Variants in PI4K2A observed in about 807,000 individuals in gnomAD.
PI4K2A encodes the protein phosphatidylinositol 4-kinase type 2-alpha.
In PI4K2A, 20 loss-of-function variants were observed where a neutral mutation model predicts 55.0. The observed-to-expected ratio is 0.36, with a 90% CI of 0.26 to 0.53. The LOEUF is 0.53. Among genes scored for constraint, PI4K2A ranks in the 20% least tolerant of loss-of-function variants. The probability of loss-of-function intolerance (pLI) is 0.91; values close to 1 mark genes in which losing one functional copy is unlikely to be tolerated. For missense variants in PI4K2A, 463 were observed against 637.1 expected (o/e 0.73, Z 2.94); for synonymous variants, 235 against 258.5 (o/e 0.91, Z 0.87).
chr10:97,643,911 G>GT (rs1472265953), intron 1 of PI4K2A, among the ~76,000 whole-genome samples: 1 of 152,110 alleles, frequency 6.6e-6, no homozygotes, highest in Admixed American at 6.5e-5. Context: ...ATCCCCGCAG[G>GT]TGACAACACA....
At chr10:97,649,217 T>C (rs569764783) in intron 1 of PI4K2A, among the ~76,000 whole-genome samples, 1 of 152,326 alleles carries the variant, frequency 6.6e-6, no homozygotes, top group South Asian at 2.1e-4. Context: ...TCATATGATA[T>C]GAGGATGAAT....
intron 1 of PI4K2A, among the ~76,000 whole-genome samples, chr10:97,647,833 A>T (rs1055347527): frequency 6.6e-6 from 1 of 151,544 alleles, no homozygotes; most frequent in African/African-American, 2.4e-5. Flanking sequence ...TATTCTCCTT[A>T]TGGTAGAAGG....
At chr10:97,675,442 C>G (rs905929452) in exon 9 of PI4K2A, 7 of 152,634 alleles carry the variant, frequency 4.6e-5, no homozygotes, top group Non-Finnish European at 1.0e-4. Flanking sequence ...AATCCCAGCC[C>G]CGACAATCAC....
chr10:97,661,014 C>T (rs963812772), intron 4 of PI4K2A, among the ~76,000 whole-genome samples: 11 of 151,256 alleles, frequency 7.3e-5, no homozygotes, highest in South Asian at 4.2e-4. Flanking sequence ...TTTTTGGAGA[C>T]GGAGTCTCAC....
At chr10:97,666,971 TC>T in intron 7 of PI4K2A, 89 bp from the exon 8 acceptor site, 2 of 972,806 alleles carry the variant, frequency 2.1e-6, no homozygotes, top group South Asian at 2.8e-5. Context: ...ATGCAGGTTT[TC>T]CTTCTTAGAA....
intron 8 of PI4K2A, among the ~76,000 whole-genome samples, chr10:97,667,883 T>C (rs920253585): frequency 2.0e-5 from 3 of 152,220 alleles, no homozygotes; most frequent in African/African-American, 7.2e-5. Flanking sequence ...GAGATAATGC[T>C]TATCAAGCGT....
intron 1 of PI4K2A, among the ~76,000 whole-genome samples, chr10:97,645,146 T>C (rs1451160900): frequency 3.9e-5 from 6 of 152,134 alleles, no homozygotes. Flanking sequence ...CCAAGAATCA[T>C]AGGACAGCAT....
intron 4 of PI4K2A, 128 bp from the exon 5 acceptor site, chr10:97,662,779 T>A (rs2041591913): frequency 1.4e-6 from 1 of 690,782 alleles, no homozygotes; most frequent in Non-Finnish European, 2.7e-6. Flanking sequence ...TCTAAAAATA[T>A]TTTATCCAGC....
intron 4 of PI4K2A, among the ~76,000 whole-genome samples, chr10:97,658,988 C>T (rs749814993): frequency 1.3e-5 from 2 of 152,078 alleles, no homozygotes; most frequent in African/African-American, 2.4e-5. Context: ...CTATTAATCC[C>T]GTATCAGATA....
At position 97,669,257 on chromosome 10, in the gene PI4K2A, A is replaced by G. The variant is rs939186579; in HGVS notation, c.1278+2137A>G. ...ATTTCCCAAGTAATGTAAGGGCCCA[A>G]TTAGGCTGGCAGAATTTTTGGAAGC... On this transcript the variant is annotated intron_variant, in intron 8 of 8. Transcript: ENST00000370631. Among the ~76,000 whole-genome samples, 86 of 152,224 alleles carry G rather than the reference A, an allele frequency of 5.6e-4. 5 individuals are homozygous for G. The highest frequency in any genetic ancestry group is 1.5e-5 in the Non-Finnish European group (1 of 68,040).
exon 1 of PI4K2A, chr10:97,641,003 G>C (rs1430781111): frequency 1.3e-6 from 2 of 1,553,528 alleles, no homozygotes; most frequent in Admixed American, 3.8e-5. Context: ...TGGCCGCTCA[G>C]GCCGCGGCGG....
At chr10:97,669,898 C>G (rs781150872) in intron 8 of PI4K2A, among the ~76,000 whole-genome samples, 15 of 152,144 alleles carry the variant, frequency 9.9e-5, no homozygotes, top group African/African-American at 3.4e-4. Flanking sequence ...GCCTCTGTAA[C>G]ATTTTCTTTT....
intron 4 of PI4K2A, among the ~76,000 whole-genome samples, chr10:97,661,216 C>T (rs866025628): frequency 6.6e-6 from 1 of 152,100 alleles, no homozygotes; most frequent in African/African-American, 2.4e-5. Flanking sequence ...TGGTCTCGAT[C>T]TCCTGACCTC....
intron 1 of PI4K2A, among the ~76,000 whole-genome samples, chr10:97,650,631 G>A (rs544886249): frequency 6.6e-6 from 1 of 152,234 alleles, no homozygotes; most frequent in African/African-American, 2.4e-5. Context: ...TACCTTGTTT[G>A]TTTGAAGCAC....
chr10:97,674,442 C>G (rs542412638), exon 9 of PI4K2A: 2 of 152,356 alleles, frequency 1.3e-5, no homozygotes, highest in East Asian at 3.9e-4. Flanking sequence ...CCTCTCTGCT[C>G]TCTGCTGGCC....
chr10:97,667,181 T>G (rs1254537264), intron 8 of PI4K2A, 61 bp downstream of exon 8: 21 of 1,260,880 alleles, frequency 1.7e-5, no homozygotes, highest in Non-Finnish European at 2.4e-5. Flanking sequence ...GTGCTCAGGT[T>G]GAGCAAATGT....
chr10:97,671,741 G>A (rs773435283), intron 8 of PI4K2A, among the ~76,000 whole-genome samples: 1 of 152,112 alleles, frequency 6.6e-6, no homozygotes, highest in Non-Finnish European at 1.5e-5. Flanking sequence ...CCGGGTTCAC[G>A]TGATTCTCCC....
At chr10:97,645,380 G>A (rs753606837) in intron 1 of PI4K2A, among the ~76,000 whole-genome samples, 3 of 152,036 alleles carry the variant, frequency 2.0e-5, no homozygotes, top group East Asian at 1.9e-4. Context: ...AGGCTGAAGC[G>A]GGCGGATCAC....
At chr10:97,641,323 G>A in intron 1 of PI4K2A, 146 bp downstream of exon 1, 1 of 618,796 alleles carries the variant, frequency 1.6e-6, no homozygotes, top group Non-Finnish European at 2.8e-6. Flanking sequence ...CTGAGGACTG[G>A]AGCTGGGGAC....
Sources: gnomAD v4.1 joint callset for allele counts (sites outside exome capture counted in the v4.1 genomes callset) on GRCh38, gnomAD v4.1.1 for gene constraint, MANE v1.5 for transcripts, NCBI Gene and HGNC (gene_info 2026-07-23, HGNC 2026-07-21) for gene names.